The following PDZK1 variants were observed in gnomAD, a reference collection of about 807,000 sequenced individuals.
PDZK1 encodes Na(+)/H(+) exchange regulatory cofactor NHE-RF3.
A neutral mutation model predicts 38.1 loss-of-function variants in PDZK1; 23 were observed. The observed-to-expected ratio is 0.60, with a 90% CI of 0.43 to 0.85. The LOEUF (loss-of-function observed/expected upper bound fraction) is 0.85. Ranked by LOEUF, PDZK1 falls within the 40% of genes least tolerant of loss-of-function variation. The probability of loss-of-function intolerance (pLI) is 0.00; values close to 1 mark genes in which losing one functional copy is unlikely to be tolerated. For missense variants in PDZK1, 297 were observed against 504.3 expected (o/e 0.59, Z 3.94); for synonymous variants, 98 against 186.2 (o/e 0.53, Z 3.86).
chr1:145,695,096 A>G (rs1333913428), intron 1 of PDZK1, among the ~76,000 whole-genome samples: 1 of 151,758 alleles, frequency 6.6e-6, no homozygotes, highest in Non-Finnish European at 1.5e-5. Context: ...TTAGACACCA[A>G]TCAGTGTGGA....
At chr1:145,683,498 G>C (rs1553700823) in intron 3 of PDZK1, among the ~76,000 whole-genome samples, 1 of 152,136 alleles carries the variant, frequency 6.6e-6, no homozygotes, top group East Asian at 1.9e-4. Flanking sequence ...GGCTAACAAG[G>C]ACAGGCACAG....
In PDZK1 at chr1:145,681,322, G is replaced by A. The variant is rs1172798182; in HGVS notation, c.598-215C>T. On this transcript the variant is annotated intron_variant, in intron 4 of 8. Transcript: ENST00000417171. ...TTTTGAGATGGAGTGTCACTCTTTC[G>A]CCCAGGCTGGAGTGCAGTGGCACTA... is the stretch of plus-strand genomic sequence containing the variant. Among the ~76,000 whole-genome samples the A allele has an allele frequency of 2.5e-4, 35 of 140,500 alleles. 4 individuals are homozygous for A. The highest frequency in any genetic ancestry group is 8.7e-4 in the African/African-American group (31 of 35,514). The allele number at this position is 140,500 out of a possible 152,430, so 92.2% of individuals were successfully genotyped here.
At chr1:145,689,491 C>T (rs1411692139) in intron 1 of PDZK1, among the ~76,000 whole-genome samples, 1 of 152,166 alleles carries the variant, frequency 6.6e-6, no homozygotes, top group African/African-American at 2.4e-5. Context: ...GCTAGGGCTC[C>T]GGCACACAGT....
At chr1:145,700,539 AG>A (rs1553704836) in intron 1 of PDZK1, among the ~76,000 whole-genome samples, 1 of 152,188 alleles carries the variant, frequency 6.6e-6, no homozygotes, top group African/African-American at 2.4e-5. Context: ...GCTAGTGAAT[AG>A]GCTCACTCAC....
chr1:145,699,702 G>T (rs1438105077), intron 1 of PDZK1, among the ~76,000 whole-genome samples: 1 of 152,180 alleles, frequency 6.6e-6, no homozygotes, highest in African/African-American at 2.4e-5. Context: ...TTCTAAAGGA[G>T]CCAGATGTGT....
chr1:145,701,524 G>A (rs1364027444), intron 1 of PDZK1, among the ~76,000 whole-genome samples: 1 of 152,094 alleles, frequency 6.6e-6, no homozygotes, highest in Admixed American at 6.6e-5. Context: ...GTGTGCATCT[G>A]TGTAACAAGA....
chr1:145,696,815 T>C (rs1482967269), intron 1 of PDZK1, among the ~76,000 whole-genome samples: 3 of 152,098 alleles, frequency 2.0e-5, no homozygotes, highest in Non-Finnish European at 2.9e-5. Flanking sequence ...TAAAAGATGG[T>C]GTAGTCATGA....
chr1:145,698,601 C>T (rs782040122), intron 1 of PDZK1, among the ~76,000 whole-genome samples: 1 of 152,110 alleles, frequency 6.6e-6, no homozygotes, highest in Non-Finnish European at 1.5e-5. Context: ...AAAGTGGTAA[C>T]TTTTACCCTA....
At chr1:145,697,643 G>C (rs1281586740) in intron 1 of PDZK1, among the ~76,000 whole-genome samples, 1 of 151,984 alleles carries the variant, frequency 6.6e-6, no homozygotes, top group Non-Finnish European at 1.5e-5. Flanking sequence ...TGTCACCCAG[G>C]CTGGAGTGCA....
At chr1:145,701,357 G>A (rs909300699) in intron 1 of PDZK1, among the ~76,000 whole-genome samples, 10 of 151,206 alleles carry the variant, frequency 6.6e-5, no homozygotes, top group Non-Finnish European at 1.3e-4. Context: ...AGAAAGGGCA[G>A]GGTCTCTCCG....
intron 1 of PDZK1, among the ~76,000 whole-genome samples, chr1:145,700,932 C>T (rs943581075): frequency 2.6e-5 from 4 of 152,058 alleles, no homozygotes; most frequent in South Asian, 2.1e-4. Context: ...GGGCTGGGCG[C>T]GGGGGCTCAT....
chr1:145,703,775 A>G (rs1656098934), intron 1 of PDZK1, among the ~76,000 whole-genome samples: 1 of 152,106 alleles, frequency 6.6e-6, no homozygotes, highest in African/African-American at 2.4e-5. Context: ...TCAGTCCAGT[A>G]GACTATAGAG....
At chr1:145,687,147 T>G (rs1654849059) in intron 2 of PDZK1, among the ~76,000 whole-genome samples, 1 of 152,030 alleles carries the variant, frequency 6.6e-6, no homozygotes, top group African/African-American at 2.4e-5. Context: ...AGCTAAGATA[T>G]CTGTACTTAG....
Position 145,682,636 on chromosome 1 carries a change from C to G in PDZK1, c.461G>C (p.Gly154Ala). The G allele has an allele frequency of 6.2e-7, 1 of 1,611,980 alleles. No homozygotes were observed. The highest frequency in any genetic ancestry group is 1.1e-5 in the South Asian group (1 of 90,976). The change falls in exon 4 of 9, where the codon GGT becomes GCT. Residue 154 changes from glycine to alanine, a missense_variant and splice_region_variant. Physicochemically the swap from Gly to Ala is moderately conservative, Grantham distance 60 (BLOSUM62 0). Around this residue, in one of 5 missense-constraint regions of PDZK1, gnomAD observed 159 missense variants for 200.0 expected, o/e 0.79. Coordinates refer to ENST00000417171, the MANE Select transcript of PDZK1 (RefSeq NM_001201325.2). The part of the protein sequence containing the change: ...SYGFSLKTVQ[G>A]KKGVYMTDIT... ...ATCAGTCATGTACACCCCCTTTTTA[C>G]CTGGAAGAGAGTAGGGGTAAACTCC...
rs1303910472 is a variant in PDZK1 at position 145,671,019 on chromosome 1, A to C, written c.*417T>G. ...TAATGGTATTTATTCTAGCAACCACAACATTGTTACAAAAGCACAATTTTA... is the reference window on the plus strand; with the variant it reads ...TAATGGTATTTATTCTAGCAACCACCACATTGTTACAAAAGCACAATTTTA... On this transcript the variant is annotated 3_prime_UTR_variant, in exon 9 of 9. Transcript: ENST00000417171. The C allele has an allele frequency of 1.2e-5, 2 of 160,862 alleles. No homozygotes were observed. The highest frequency in any genetic ancestry group is 5.0e-5 in the African/African-American group (2 of 40,192). The allele number at this position is 160,862 out of a possible 1,614,324, so 10.0% of individuals were successfully genotyped here. A position where few individuals can be genotyped will look rare whatever the true frequency, so the allele number is the denominator to read the frequency against.
intron 1 of PDZK1, among the ~76,000 whole-genome samples, chr1:145,705,980 C>T (rs1307083477): frequency 2.0e-5 from 3 of 152,168 alleles, no homozygotes; most frequent in African/African-American, 4.8e-5. Context: ...TCTCGAACTC[C>T]TGGCCTCAAG....
intron 5 of PDZK1, among the ~76,000 whole-genome samples, chr1:145,679,626 A>G (rs1654039692): frequency 6.6e-6 from 1 of 152,134 alleles, no homozygotes; most frequent in Non-Finnish European, 1.5e-5. Context: ...CAGAATGAGC[A>G]TGGGCTTTGG....
intron 1 of PDZK1, among the ~76,000 whole-genome samples, chr1:145,707,104 G>A (rs1221717047): frequency 6.6e-6 from 1 of 152,088 alleles, no homozygotes; most frequent in East Asian, 1.9e-4. Context: ...CTACAAAGGT[G>A]AGGGGCATCT....
At chr1:145,702,887 C>T (rs974665716) in intron 1 of PDZK1, among the ~76,000 whole-genome samples, 4 of 151,916 alleles carry the variant, frequency 2.6e-5, no homozygotes, top group South Asian at 2.1e-4. Flanking sequence ...AGCAAGACTC[C>T]GTCTCAAAAA....
Sources: allele counts gnomAD v4.1 joint callset (sites outside exome capture counted in the v4.1 genomes callset), GRCh38; gene constraint gnomAD v4.1.1; regional missense constraint gnomAD v4.1.1; transcripts MANE v1.5; gene names NCBI Gene and HGNC (gene_info 2026-07-23, HGNC 2026-07-21).